The following THRB variants were observed in gnomAD, a reference collection of about 807,000 sequenced individuals.
THRB encodes nuclear receptor subfamily 1 group A member 2.
Under a neutral mutation model 47.8 loss-of-function variants are expected in THRB, and 12 were observed. The observed-to-expected ratio is 0.25, with a 90% confidence interval of 0.16 to 0.41. The LOEUF is 0.41. THRB is among the 10% of genes least tolerant of loss of function. The probability of loss-of-function intolerance (pLI) is 1.00; values close to 1 mark genes in which losing one functional copy is unlikely to be tolerated. For missense variants in THRB, 348 were observed against 589.2 expected, an observed-to-expected ratio of 0.59 and a Z score of 4.24; for synonymous variants, 218 against 212.2, an observed-to-expected ratio of 1.03 and a Z score of -0.24.
intron 2 of THRB, among the ~76,000 whole-genome samples, chr3:24,313,050 T>C (rs537271121): frequency 6.6e-6 from 1 of 152,196 alleles, no homozygotes; most frequent in South Asian, 2.1e-4. Context: ...GAGTTTGGAT[T>C]TGGGGGTGAG....
chr3:24,281,934 G>A (rs1428948467), intron 3 of THRB, among the ~76,000 whole-genome samples: 9 of 149,216 alleles, frequency 6.0e-5, no homozygotes, highest in Admixed American at 4.6e-4. Context: ...GATTCATAAA[G>A]CAAGTCCTGA....
chr3:24,443,431 C>A (rs1350756819), intron 1 of THRB, among the ~76,000 whole-genome samples: 1 of 151,804 alleles, frequency 6.6e-6, no homozygotes, highest in Non-Finnish European at 1.5e-5. Flanking sequence ...TCCATAGGTG[C>A]AGAACACAGA....
chr3:24,376,708 C>T (rs2065319469), intron 1 of THRB, among the ~76,000 whole-genome samples: 1 of 152,060 alleles, frequency 6.6e-6, no homozygotes, highest in Non-Finnish European at 1.5e-5. Context: ...TCTAGATTTG[C>T]CCTAAGAGAA....
At chr3:24,269,318 C>CACAT (rs2053011669) in intron 3 of THRB, among the ~76,000 whole-genome samples, 1 of 117,150 alleles carries the variant, frequency 8.5e-6, no homozygotes, top group Non-Finnish European at 1.8e-5. Context: ...CACACACACA[C>CACAT]ACACGTTATC....
At chr3:24,366,556 T>C (rs1295326164) in intron 1 of THRB, among the ~76,000 whole-genome samples, 2 of 152,058 alleles carry the variant, frequency 1.3e-5, no homozygotes, top group Non-Finnish European at 2.9e-5. Flanking sequence ...TTATCTGAAC[T>C]GCTATTCATC....
intron 5 of THRB, among the ~76,000 whole-genome samples, chr3:24,184,589 T>G (rs1288488569): frequency 6.6e-6 from 1 of 152,192 alleles, no homozygotes; most frequent in Non-Finnish European, 1.5e-5. Context: ...TATTTCTGTC[T>G]GCCCCAGTAT....
At chr3:24,390,813 T>TATATAA (rs1553743128) in intron 1 of THRB, among the ~76,000 whole-genome samples, 1 of 147,048 alleles carries the variant, frequency 6.8e-6, no homozygotes, top group African/African-American at 2.5e-5. Flanking sequence ...TATATATATA[T>TATATAA]AATATTATTT....
At chr3:24,415,568 C>T (rs2068668032) in intron 1 of THRB, among the ~76,000 whole-genome samples, 2 of 151,778 alleles carry the variant, frequency 1.3e-5, no homozygotes, top group African/African-American at 2.4e-5. Context: ...ACAGAAGCTA[C>T]TTTTGTTAAG....
chr3:24,351,500 A>C (rs1205692812), intron 1 of THRB, among the ~76,000 whole-genome samples: 1 of 152,156 alleles, frequency 6.6e-6, no homozygotes, highest in Admixed American at 6.5e-5. Flanking sequence ...TTATTGAATG[A>C]ACAGTGGTAT....
chr3:24,244,310 G>A (rs1559716779), intron 3 of THRB, among the ~76,000 whole-genome samples: 1 of 152,162 alleles, frequency 6.6e-6, no homozygotes, highest in Non-Finnish European at 1.5e-5. Flanking sequence ...ATCATACAGG[G>A]TGTTAAAGAC....
At chr3:24,281,852 T>C (rs2054648937) in intron 3 of THRB, among the ~76,000 whole-genome samples, 1 of 151,558 alleles carries the variant, frequency 6.6e-6, no homozygotes. Flanking sequence ...CATTATTTAA[T>C]GGTAAAGGGA....
intron 3 of THRB, among the ~76,000 whole-genome samples, chr3:24,291,815 A>G (rs1276698187): frequency 1.3e-5 from 2 of 152,196 alleles, no homozygotes; most frequent in East Asian, 3.8e-4. Flanking sequence ...CATTTTGGCA[A>G]TATCTGACAA....
chr3:24,308,661 TC>T lies in THRB; in HGVS notation c.-188-11291del, dbSNP rs1442027051. ...TTTTGTGTAGATGTGTACTTAGAAC[TC>T]TATACTTACATTTTCAAATTTGTGT... On this transcript the variant is annotated intron_variant, in intron 2 of 10. Transcript: ENST00000646209. Among the ~76,000 whole-genome samples, 8 of 152,270 alleles carry T rather than the reference TC, an allele frequency of 5.3e-5. No homozygotes were observed. The East Asian group carries it at 1.5e-3, about 29-fold the overall frequency.
intron 1 of THRB, among the ~76,000 whole-genome samples, chr3:24,454,510 C>T (rs1337023266): frequency 6.6e-6 from 1 of 152,054 alleles, no homozygotes; most frequent in Non-Finnish European, 1.5e-5. Flanking sequence ...AATTGCATAG[C>T]ATGTGGATTC....
intron 4 of THRB, among the ~76,000 whole-genome samples, chr3:24,192,266 A>G (rs1179875128): frequency 6.6e-6 from 1 of 152,142 alleles, no homozygotes; most frequent in Non-Finnish European, 1.5e-5. Context: ...TAAGGGCTTG[A>G]GGTTTTTCAT....
chr3:24,379,338 C>T (rs1279357528), intron 1 of THRB, among the ~76,000 whole-genome samples: 1 of 152,082 alleles, frequency 6.6e-6, no homozygotes, highest in African/African-American at 2.4e-5. Flanking sequence ...TAGGAAAGGT[C>T]AACTGCTATT....
chr3:24,141,247 T>C (rs998150484), intron 8 of THRB, among the ~76,000 whole-genome samples: 20 of 152,234 alleles, frequency 1.3e-4, no homozygotes, highest in Non-Finnish European at 8.8e-5. Flanking sequence ...GCTGGTGAAC[T>C]GTTAGGAGCC....
intron 4 of THRB, among the ~76,000 whole-genome samples, chr3:24,215,728 G>A (rs1316619759): frequency 1.3e-5 from 2 of 152,162 alleles, no homozygotes; most frequent in East Asian, 1.9e-4. Context: ...AGTGAGACAC[G>A]GCCATGTGAC....
At chr3:24,181,083 A>T (rs546702071) in intron 5 of THRB, among the ~76,000 whole-genome samples, 1 of 152,332 alleles carries the variant, frequency 6.6e-6, no homozygotes, top group East Asian at 1.9e-4. Flanking sequence ...TCCTGGGAAA[A>T]AGATATCCTC....
Sources: allele counts gnomAD v4.1 joint callset (sites outside exome capture counted in the v4.1 genomes callset), GRCh38; gene constraint gnomAD v4.1.1; transcripts MANE v1.5; gene names NCBI Gene and HGNC (gene_info 2026-07-23, HGNC 2026-07-21).